Variants in LAMA2 observed in about 807,000 individuals in gnomAD.
LAMA2 encodes the protein laminin subunit alpha 2, also known as laminin subunit alpha-2.
A neutral mutation model predicts 364.8 loss-of-function variants in LAMA2; 269 were observed. The ratio of observed to expected loss-of-function variants is 0.74; its 90% CI spans 0.67 to 0.82. The LOEUF (loss-of-function observed/expected upper bound fraction) is 0.82, where lower values mean the gene tolerates loss of function less well. Among genes scored for constraint, LAMA2 ranks in the 40% least tolerant of loss-of-function variants. The pLI, the probability that LAMA2 is intolerant of heterozygous loss-of-function variation, is 0.00. For synonymous variants in LAMA2, 1,379 were observed against 1,370.6 expected (o/e 1.01, Z -0.14); for missense variants, 3,807 against 3,873.2 (o/e 0.98, Z 0.45).
intron 37 of LAMA2, among the ~76,000 whole-genome samples, chr6:129,397,218 T>C (rs891949321): frequency 1.3e-5 from 2 of 152,174 alleles, no homozygotes; most frequent in Non-Finnish European, 2.9e-5. Context: ...TGAGCAATTA[T>C]ACTTATGCCA....
intron 1 of LAMA2, among the ~76,000 whole-genome samples, chr6:129,043,709 T>C (rs191026374): frequency 3.4e-4 from 52 of 152,158 alleles, no homozygotes; most frequent in African/African-American, 9.1e-4. Context: ...AACCTGGATG[T>C]CATGAATAAT....
Position 129,192,702 on chromosome 6 carries a change from ATCTGACTGACCTT to A in LAMA2, c.1632_1644del (p.Thr546AlafsTer49). On this transcript the variant is annotated frameshift_variant, in exon 12 of 65. Coordinates refer to ENST00000421865, the MANE Select transcript of LAMA2 (RefSeq NM_000426.4). LOFTEE classifies it high-confidence loss of function. ...AAGATACAAGATATGAGTGGCTGGT[ATCTGACTGACCTT>A]CCTGGCCGCATTCGAGTGGCTCCCC... 6.2e-7 allele frequency: 1 copy of A among 1,614,166 alleles called. No homozygotes were observed. The highest frequency in any genetic ancestry group is 8.5e-7 in the Non-Finnish European group (1 of 1,180,002).
chr6:129,170,991 T>G (rs1366775647), intron 9 of LAMA2, among the ~76,000 whole-genome samples: 1 of 151,730 alleles, frequency 6.6e-6, no homozygotes, highest in African/African-American at 2.4e-5. Flanking sequence ...AGACTAGGAT[T>G]GCAACCCCTG....
At chr6:129,015,169 AAAG>A (rs1362145539) in intron 1 of LAMA2, among the ~76,000 whole-genome samples, 1 of 152,126 alleles carries the variant, frequency 6.6e-6, no homozygotes, top group Admixed American at 6.5e-5. Flanking sequence ...ACATTAAGGA[AAAG>A]TAGTCATAAT....
intron 12 of LAMA2, among the ~76,000 whole-genome samples, chr6:129,206,916 A>G (rs1320841545): frequency 6.6e-6 from 1 of 152,216 alleles, no homozygotes; most frequent in Non-Finnish European, 1.5e-5. Flanking sequence ...AGCTGACGGA[A>G]TTGAGCCAAT....
chr6:128,971,674 C>T (rs1782196425), intron 1 of LAMA2, among the ~76,000 whole-genome samples: 1 of 151,998 alleles, frequency 6.6e-6, no homozygotes. Context: ...GTAAGAAAAG[C>T]TGAAAAAGGT....
chr6:129,054,949 C>T (rs1227432392), intron 2 of LAMA2, among the ~76,000 whole-genome samples: 1 of 150,140 alleles, frequency 6.7e-6, no homozygotes, highest in Non-Finnish European at 1.5e-5. Flanking sequence ...AAAAGCTATT[C>T]TGTCTTTCAC....
chr6:129,304,014 A>C (rs990437898), intron 22 of LAMA2, among the ~76,000 whole-genome samples: 1 of 152,190 alleles, frequency 6.6e-6, no homozygotes, highest in Non-Finnish European at 1.5e-5. Flanking sequence ...CCAAAAGCTC[A>C]CTATTTGAAA....
At chr6:129,510,304 T>C (rs992972989) in intron 62 of LAMA2, among the ~76,000 whole-genome samples, 6 of 152,182 alleles carry the variant, frequency 3.9e-5, no homozygotes, top group African/African-American at 9.6e-5. Context: ...GTAACATTTC[T>C]ATATGCCAAC....
chr6:128,916,078 C>T (rs186668426), intron 1 of LAMA2, among the ~76,000 whole-genome samples: 1 of 152,246 alleles, frequency 6.6e-6, no homozygotes, highest in Non-Finnish European at 1.5e-5. Context: ...TATTATCTAA[C>T]TGCTGTGCTG....
intron 1 of LAMA2, among the ~76,000 whole-genome samples, chr6:128,931,753 C>T (rs1299339670): frequency 1.3e-5 from 2 of 152,142 alleles, no homozygotes; most frequent in African/African-American, 4.8e-5. Context: ...TTTTATTTAG[C>T]TTTCAAGCAT....
chr6:129,117,951 C>A (rs1254879452), intron 4 of LAMA2, among the ~76,000 whole-genome samples: 1 of 152,150 alleles, frequency 6.6e-6, no homozygotes, highest in Non-Finnish European at 1.5e-5. Flanking sequence ...CCTGTGTTTG[C>A]ATAATCATGT....
chr6:128,986,732 T>C (rs1003153563), intron 1 of LAMA2, among the ~76,000 whole-genome samples: 1 of 151,518 alleles, frequency 6.6e-6, no homozygotes, highest in Non-Finnish European at 1.5e-5. Flanking sequence ...TACCTTTTTT[T>C]AAAAAAAAAT....
chr6:129,092,187 C>T (rs904979969), intron 3 of LAMA2, among the ~76,000 whole-genome samples: 12 of 152,126 alleles, frequency 7.9e-5, no homozygotes, highest in African/African-American at 2.2e-4. Flanking sequence ...ACAGACCTTC[C>T]AGAAAAATGT....
intron 12 of LAMA2, among the ~76,000 whole-genome samples, chr6:129,215,870 A>G (rs1464065850): frequency 6.6e-6 from 1 of 152,326 alleles, no homozygotes; most frequent in Non-Finnish European, 1.5e-5. Context: ...CTAAGATTAT[A>G]TAACAGATCC....
chr6:128,883,161 G>A lies in LAMA2; in HGVS notation c.-85G>A. 2 of 1,330,064 alleles carry A rather than the reference G, an allele frequency of 1.5e-6. No homozygotes were observed. Among genetic ancestry groups the A allele is most frequent in the African/African-American group, 2.9e-5 (2 of 68,906 alleles). The allele number at this position is 1,330,064 out of a possible 1,614,324, so 82.4% of individuals were successfully genotyped here. A position where few individuals can be genotyped will look rare whatever the true frequency, so the allele number is the denominator to read the frequency against. ...TCCTCTTCCCCAGCAGCTGCTGCTCGCTCAGCTCACAAGCCAAGGCCAGGG... is the reference window on the plus strand; with the variant it reads ...TCCTCTTCCCCAGCAGCTGCTGCTCACTCAGCTCACAAGCCAAGGCCAGGG... On this transcript the variant is annotated 5_prime_UTR_variant, in exon 1 of 65. Transcript: ENST00000421865.
At chr6:128,923,196 T>A (rs1422051571) in intron 1 of LAMA2, among the ~76,000 whole-genome samples, 1 of 149,702 alleles carries the variant, frequency 6.7e-6, no homozygotes, top group Non-Finnish European at 1.5e-5. Context: ...ATGCGGGCTC[T>A]TTTTTGGTTC....
chr6:128,969,856 T>G (rs1464667160), intron 1 of LAMA2, among the ~76,000 whole-genome samples: 1 of 152,254 alleles, frequency 6.6e-6, no homozygotes, highest in African/African-American at 2.4e-5. Context: ...GGTATTTGTA[T>G]GCAAGTGGGC....
chr6:128,938,018 T>G (rs1473675410), intron 1 of LAMA2, among the ~76,000 whole-genome samples: 1 of 152,148 alleles, frequency 6.6e-6, no homozygotes, highest in African/African-American at 2.4e-5. Flanking sequence ...GATTTCTCTT[T>G]GGATTTCTTC....
Sources: allele counts gnomAD v4.1 joint callset (sites outside exome capture counted in the v4.1 genomes callset), GRCh38; gene constraint gnomAD v4.1.1; transcripts MANE v1.5; gene names NCBI Gene and HGNC (gene_info 2026-07-23, HGNC 2026-07-21).